GRID2: variants seen among roughly 807,000 people sequenced by gnomAD.
GRID2 encodes the protein glutamate ionotropic receptor delta type subunit 2, also known as glutamate receptor ionotropic, delta-2.
GRID2 carries 33 observed loss-of-function variants against 114.8 expected under a neutral mutation model. That is an observed-to-expected ratio of 0.29 (90% CI 0.22 to 0.38). GRID2 has a LOEUF of 0.38. Among genes scored for constraint, GRID2 ranks in the 10% least tolerant of loss-of-function variants. The probability of loss-of-function intolerance (pLI) is 1.00; values close to 1 mark genes in which losing one functional copy is unlikely to be tolerated. For missense variants in GRID2, 1,184 were observed against 1,257.7 expected (o/e 0.94, Z 0.89); for synonymous variants, 505 against 449.9 (o/e 1.12, Z -1.55).
At chr4:93,734,505 A>G (rs542663861) in intron 14 of GRID2, among the ~76,000 whole-genome samples, 6 of 152,172 alleles carry the variant, frequency 3.9e-5, no homozygotes, top group African/African-American at 1.4e-4. Flanking sequence ...TCACCACCAC[A>G]AAAATCCATC....
At chr4:93,029,691 C>A (rs1017036989) in intron 2 of GRID2, among the ~76,000 whole-genome samples, 7 of 151,812 alleles carry the variant, frequency 4.6e-5, no homozygotes, top group African/African-American at 1.7e-4. Flanking sequence ...ACAAAATATA[C>A]AATAGCATCA....
chr4:92,984,050 A>T (rs1301143465), intron 2 of GRID2, among the ~76,000 whole-genome samples: 1 of 152,210 alleles, frequency 6.6e-6, no homozygotes, highest in Non-Finnish European at 1.5e-5. Context: ...AAGAAACTTC[A>T]ATTTGATCAT....
intron 2 of GRID2, among the ~76,000 whole-genome samples, chr4:92,636,649 C>T (rs1731079787): frequency 6.6e-6 from 1 of 151,940 alleles, no homozygotes; most frequent in Non-Finnish European, 1.5e-5. Flanking sequence ...CTTCAACATA[C>T]TGTGAAATGG....
chr4:93,755,023 TGCATGTA>T (rs1732625232), intron 14 of GRID2, among the ~76,000 whole-genome samples: 1 of 152,204 alleles, frequency 6.6e-6, no homozygotes, highest in Admixed American at 6.5e-5. Context: ...GTAAACGTTG[TGCATGTA>T]GCTCTTGCCA....
At position 93,193,848 on chromosome 4, in the gene GRID2, C is replaced by T. The variant is rs545541612; in HGVS notation, c.736-13556C>T. On this transcript the variant is annotated intron_variant, in intron 4 of 15. Transcript: ENST00000282020. ...TCTTGGCATACATCTCCAGGATACC[C>T]CCTGAATTATAGGCCACAATTGTAC... 2.6e-5 allele frequency among the ~76,000 whole-genome samples: 4 copies of T among 152,202 alleles called. No homozygotes were observed. In the South Asian group the frequency reaches 8.3e-4, roughly 32 times the overall value.
chr4:92,744,045 A>G lies in GRID2; in HGVS notation c.244+153759A>G, dbSNP rs1165357712. On this transcript the variant is annotated intron_variant, in intron 2 of 15. Transcript: ENST00000282020. ...TCTCATGCTTGTTTTTATTTTTCCT[A>G]CTCAACCTAATATCACATTTGTTAT... Among the ~76,000 whole-genome samples the G allele has an allele frequency of 4.6e-5, 7 of 151,606 alleles. No homozygotes were observed. In the South Asian group the frequency reaches 8.3e-4, roughly 18 times the overall value.
intron 8 of GRID2, among the ~76,000 whole-genome samples, chr4:93,280,427 A>G (rs564195415): frequency 6.6e-6 from 1 of 152,200 alleles, no homozygotes; most frequent in East Asian, 1.9e-4. Flanking sequence ...TTGAATTATG[A>G]AACTGATAGG....
chr4:93,131,313 C>CCAGCTAATT (rs1383114181), intron 4 of GRID2, among the ~76,000 whole-genome samples: 3 of 151,360 alleles, frequency 2.0e-5, no homozygotes, highest in South Asian at 4.2e-4. Context: ...GCTTCCATGC[C>CCAGCTAATT]CAGCTAATTT....
At chr4:92,314,248 G>C (rs1034145542) in intron 1 of GRID2, among the ~76,000 whole-genome samples, 3 of 151,968 alleles carry the variant, frequency 2.0e-5, no homozygotes, top group Non-Finnish European at 4.4e-5. Flanking sequence ...CTGAACTTAA[G>C]AGCAGATTAC....
intron 8 of GRID2, among the ~76,000 whole-genome samples, chr4:93,274,019 C>A (rs1296060731): frequency 2.7e-5 from 4 of 149,814 alleles, no homozygotes; most frequent in Non-Finnish European, 5.9e-5. Flanking sequence ...AAATTAAGAT[C>A]TTTATGATTA....
chr4:93,745,995 C>T lies in GRID2; in HGVS notation c.2361-23215C>T, dbSNP rs1323994772. ...CTGATTCTGTGAGCTCTAAAAGAAA[C>T]CCCAAGGTAAATAGAAGTACTGCAG... On this transcript the variant is annotated intron_variant, in intron 14 of 15. Transcript: ENST00000282020. 3.9e-5 allele frequency among the ~76,000 whole-genome samples: 6 copies of T among 152,028 alleles called. No homozygotes were observed. In the South Asian group the frequency reaches 1.2e-3, roughly 31 times the overall value.
chr4:93,300,968 C>A (rs1420767194), intron 8 of GRID2, among the ~76,000 whole-genome samples: 5 of 152,196 alleles, frequency 3.3e-5, no homozygotes, highest in African/African-American at 1.2e-4. Context: ...ACATCAGTTT[C>A]TAAGTTATGA....
At chr4:92,785,139 A>G (rs1365360780) in intron 2 of GRID2, among the ~76,000 whole-genome samples, 1 of 148,588 alleles carries the variant, frequency 6.7e-6, no homozygotes, top group East Asian at 2.0e-4. Context: ...AGTACCACTC[A>G]TGCATTTCCA....
chr4:92,741,941 C>T (rs1419777786), intron 2 of GRID2, among the ~76,000 whole-genome samples: 2 of 152,040 alleles, frequency 1.3e-5, no homozygotes, highest in Admixed American at 6.6e-5. Context: ...AAATAAAAAC[C>T]AATAACAACT....
At chr4:92,664,872 A>C (rs141671922) in intron 2 of GRID2, among the ~76,000 whole-genome samples, 6 of 150,960 alleles carry the variant, frequency 4.0e-5, no homozygotes, top group Non-Finnish European at 7.4e-5. Flanking sequence ...TACTATTTGT[A>C]TGGAATATCT....
chr4:93,634,443 T>C (rs1721232023), intron 14 of GRID2, among the ~76,000 whole-genome samples: 1 of 152,188 alleles, frequency 6.6e-6, no homozygotes, highest in Non-Finnish European at 1.5e-5. Flanking sequence ...CAGCTGCTAG[T>C]TATAAAGCAT....
intron 14 of GRID2, among the ~76,000 whole-genome samples, chr4:93,647,238 A>G (rs1056142712): frequency 7.2e-5 from 11 of 152,194 alleles, no homozygotes; most frequent in African/African-American, 2.4e-4. Context: ...CCTAAATTCT[A>G]GGAATGAGAA....
chr4:92,331,913 A>G (rs776906412), intron 1 of GRID2, among the ~76,000 whole-genome samples: 4 of 152,094 alleles, frequency 2.6e-5, no homozygotes, highest in Non-Finnish European at 5.9e-5. Flanking sequence ...TTCACTGTGG[A>G]TATCTACAGA....
chr4:93,051,099 T>C (rs959595543), intron 2 of GRID2, among the ~76,000 whole-genome samples: 3 of 152,080 alleles, frequency 2.0e-5, no homozygotes, highest in Admixed American at 6.6e-5. Flanking sequence ...GCCTCAATGT[T>C]TGAGGATCTT....
Sources: allele counts gnomAD v4.1 joint callset (sites outside exome capture counted in the v4.1 genomes callset), GRCh38; gene constraint gnomAD v4.1.1; transcripts MANE v1.5; gene names NCBI Gene and HGNC (gene_info 2026-07-23, HGNC 2026-07-21).